The following KDM4B variants were observed in gnomAD, a reference collection of about 807,000 sequenced individuals.
The protein encoded by KDM4B is lysine demethylase 4B.
In KDM4B, 32 loss-of-function variants were observed where a neutral mutation model predicts 125.2. The observed-to-expected ratio is 0.26, with a 90% CI of 0.19 to 0.34. The LOEUF is 0.34. Among genes scored for constraint, KDM4B ranks in the 10% least tolerant of loss-of-function variants. The probability of loss-of-function intolerance (pLI) is 1.00; values close to 1 mark genes in which losing one functional copy is unlikely to be tolerated. For missense variants in KDM4B, 1,190 were observed against 1,577.7 expected, an observed-to-expected ratio of 0.75 and a Z score of 4.16; for synonymous variants, 721 against 677.9, an observed-to-expected ratio of 1.06 and a Z score of -0.99.
intron 1 of KDM4B, among the ~76,000 whole-genome samples, chr19:4,996,678 G>T (rs971361584): frequency 1.3e-5 from 2 of 152,194 alleles, no homozygotes; most frequent in Non-Finnish European, 1.5e-5. Flanking sequence ...CAGTCATTGT[G>T]TTGGGGACAG....
intron 11 of KDM4B, among the ~76,000 whole-genome samples, chr19:5,122,158 G>A (rs1343240631): frequency 2.0e-5 from 3 of 152,208 alleles, no homozygotes; most frequent in African/African-American, 7.2e-5. Flanking sequence ...CTCCTGGGGG[G>A]CTCCAGGGGA....
At chr19:5,144,642 C>G in intron 20 of KDM4B, 141 bp from the exon 21 acceptor site, 1 of 1,266,540 alleles carries the variant, frequency 7.9e-7, no homozygotes, top group South Asian at 1.4e-5. Context: ...CTGCACCGCC[C>G]CGCTACCCCG....
At chr19:5,095,476 C>T (rs1413274377) in intron 9 of KDM4B, among the ~76,000 whole-genome samples, 1 of 152,246 alleles carries the variant, frequency 6.6e-6, no homozygotes, top group East Asian at 1.9e-4. Flanking sequence ...GGCAGATGAG[C>T]CCCCTGGGCT....
chr19:5,096,525 G>C (rs913120002), intron 9 of KDM4B, among the ~76,000 whole-genome samples: 12 of 152,214 alleles, frequency 7.9e-5, no homozygotes, highest in African/African-American at 2.7e-4. Flanking sequence ...CAGTGCCCCT[G>C]CCCAGACCCC....
intron 1 of KDM4B, among the ~76,000 whole-genome samples, chr19:4,979,200 T>G (rs1235247513): frequency 6.6e-6 from 1 of 152,146 alleles, no homozygotes; most frequent in African/African-American, 2.4e-5. Flanking sequence ...GGAGGATTGC[T>G]TGAGCCCAGG....
At chr19:5,147,054 C>T (rs1055306898) in intron 21 of KDM4B, among the ~76,000 whole-genome samples, 10 of 151,922 alleles carry the variant, frequency 6.6e-5, no homozygotes, top group Admixed American at 3.3e-4. Context: ...CCGCCTGCCC[C>T]GGGAGCCTCA....
intron 6 of KDM4B, among the ~76,000 whole-genome samples, chr19:5,053,947 C>T (rs955468028): frequency 2.6e-5 from 4 of 152,360 alleles, no homozygotes; most frequent in African/African-American, 9.6e-5. Context: ...GGAGCGTGGC[C>T]GTGGGCAGGC....
At position 5,152,472 on chromosome 19, in the gene KDM4B, T is replaced by A. The variant is rs1044772834; in HGVS notation, c.*961T>A. The A allele has an allele frequency of 1.3e-5, 2 of 152,232 alleles. No homozygotes were observed. The highest frequency in any genetic ancestry group is 4.8e-5 in the African/African-American group (2 of 41,432). 9.4% of individuals were successfully genotyped at this position (152,232 alleles called of 1,614,324 possible). The stretch of plus-strand genomic sequence containing the variant: ...GAGGGAGGCCCCCAGGCCCTTCTGG[T>A]TGGTAGTGAGTGTGGACAGCTTCCC... On this transcript the variant is annotated 3_prime_UTR_variant, in exon 23 of 23. Coordinates refer to ENST00000159111, the MANE Select transcript of KDM4B (RefSeq NM_015015.3).
chr19:5,094,959 G>A (rs1198354710), intron 9 of KDM4B, among the ~76,000 whole-genome samples: 1 of 152,166 alleles, frequency 6.6e-6, no homozygotes, highest in African/African-American at 2.4e-5. Context: ...GATGCGTCCT[G>A]TGGAGGGGTC....
intron 14 of KDM4B, 121 bp downstream of exon 14, chr19:5,134,182 C>G: frequency 1.1e-6 from 1 of 950,970 alleles, no homozygotes; most frequent in Non-Finnish European, 1.6e-6. Flanking sequence ...GGCCAGCACC[C>G]CGAGTTGTGA....
intron 2 of KDM4B, among the ~76,000 whole-genome samples, chr19:5,024,852 G>A (rs1028199052): frequency 6.6e-6 from 1 of 152,212 alleles, no homozygotes; most frequent in African/African-American, 2.4e-5. Flanking sequence ...GAAGGCTCAA[G>A]CAGGAGAATT....
At chr19:5,086,199 C>T (rs77092728) in intron 9 of KDM4B, among the ~76,000 whole-genome samples, 4 of 151,878 alleles carry the variant, frequency 2.6e-5, no homozygotes, top group Admixed American at 2.6e-4. Flanking sequence ...CCTGCCCCCC[C>T]CCACCCCGTT....
chr19:5,081,478 C>A lies in KDM4B; in HGVS notation c.781-889C>A, dbSNP rs1046348314. Among the ~76,000 whole-genome samples, 25 of 152,280 alleles carry A rather than the reference C, an allele frequency of 1.6e-4. No individual in the cohort carries two copies. The highest frequency in any genetic ancestry group is 3.1e-4 in the Non-Finnish European group (21 of 68,014). On this transcript the variant is annotated intron_variant, in intron 8 of 22. Coordinates refer to ENST00000159111, the MANE Select transcript of KDM4B (RefSeq NM_015015.3). This position sits in a 1 kb window ranked among gnomAD's most constrained non-coding sequence, Gnocchi z 4.2. ...CTGGTAGGCAGCCCTGCCTTTTCTT[C>A]CAGACCTTGGGGTGGCTGTTGGGAA...
At chr19:5,096,779 C>T (rs1171805377) in intron 9 of KDM4B, among the ~76,000 whole-genome samples, 5 of 144,294 alleles carry the variant, frequency 3.5e-5, no homozygotes, top group Non-Finnish European at 6.0e-5. Flanking sequence ...GTTGCCGTGG[C>T]GCCTGCCTGG....
At chr19:5,129,939 G>A (rs1270063062) in intron 11 of KDM4B, among the ~76,000 whole-genome samples, 1 of 152,200 alleles carries the variant, frequency 6.6e-6, no homozygotes, top group African/African-American at 2.4e-5. Flanking sequence ...GCCCCGGCAC[G>A]AGCTTCCCAC....
At chr19:5,080,679 G>A (rs979752489) in intron 8 of KDM4B, 5 of 152,232 alleles carry the variant, frequency 3.3e-5, no homozygotes, top group African/African-American at 9.7e-5. Flanking sequence ...GTGCCCCAGC[G>A]ATGCCACTCT....
intron 2 of KDM4B, among the ~76,000 whole-genome samples, chr19:5,023,969 C>T (rs1291470336): frequency 6.6e-6 from 1 of 151,886 alleles, no homozygotes; most frequent in Non-Finnish European, 1.5e-5. Flanking sequence ...TCAGGCTCAT[C>T]CTGAACATCT....
At chr19:5,086,880 C>T (rs1350518225) in intron 9 of KDM4B, among the ~76,000 whole-genome samples, 1 of 152,250 alleles carries the variant, frequency 6.6e-6, no homozygotes, top group Non-Finnish European at 1.5e-5. Context: ...CAGCCCAGGT[C>T]TGCCCCCACA....
intron 11 of KDM4B, among the ~76,000 whole-genome samples, chr19:5,124,600 T>TTTTCC (rs1297067253): frequency 6.6e-6 from 1 of 152,148 alleles, no homozygotes; most frequent in African/African-American, 2.4e-5. Flanking sequence ...CTTCTTTTCC[T>TTTTCC]TTTCCTTTCC....
Sources: gnomAD v4.1 joint callset for allele counts (sites outside exome capture counted in the v4.1 genomes callset) on GRCh38, gnomAD v4.1.1 for gene constraint, Gnocchi (gnomAD v3.1) non-coding constraint, MANE v1.5 for transcripts, NCBI Gene and HGNC (gene_info 2026-07-23, HGNC 2026-07-21) for gene names.